SENP7: variants seen among roughly 807,000 people sequenced by gnomAD.
SENP7 encodes SUMO specific peptidase 7, also known as sentrin-specific protease 7.
A neutral mutation model predicts 141.2 loss-of-function variants in SENP7; 64 were observed. The ratio of observed to expected loss-of-function variants is 0.45; its 90% CI spans 0.37 to 0.56. The LOEUF (loss-of-function observed/expected upper bound fraction) is 0.56, where lower values mean the gene tolerates loss of function less well. SENP7 is among the 20% of genes least tolerant of loss of function. The pLI is 0.00. For synonymous variants in SENP7, 382 were observed against 426.4 expected (o/e 0.90, Z 1.28); for missense variants, 1,025 against 1,212.2 (o/e 0.85, Z 2.29).
intron 11 of SENP7, among the ~76,000 whole-genome samples, chr3:101,355,586 C>T (rs1376768090): frequency 6.6e-6 from 1 of 152,264 alleles, no homozygotes. Context: ...GTTTTTGTAC[C>T]AGTACCATAC....
In SENP7 at chr3:101,366,577, T is replaced by A; in HGVS notation, c.1171A>T (p.Thr391Ser). The change falls in exon 9 of 24, where the codon ACT becomes TCT. Residue 391 changes from threonine to serine, a missense_variant. By Grantham distance (58) the Thr-to-Ser change is moderately conservative (BLOSUM62 1). Coordinates refer to ENST00000394095, the MANE Select transcript of SENP7 (RefSeq NM_020654.5). Reference protein sequence around the residue: ...ATKSASAGSTTETVENSNSID... With the variant: ...ATKSASAGSTSETVENSNSID... ...GAATTAGAGTTCTCAACGGTTTCAG[T>A]GGTTGAACCGGCAGAGGCACTTTTG... 6.2e-7 allele frequency: 1 copy of A among 1,613,970 alleles called. No individual in the cohort carries two copies. Among genetic ancestry groups the A allele is most frequent in the South Asian group, 1.1e-5 (1 of 91,074 alleles).
At chr3:101,441,062 G>A (rs1256237073) in intron 4 of SENP7, among the ~76,000 whole-genome samples, 3 of 152,074 alleles carry the variant, frequency 2.0e-5, no homozygotes, top group African/African-American at 7.2e-5. Flanking sequence ...CGCCATCCAG[G>A]TGCCTAAAGA....
Position 101,417,628 on chromosome 3 carries a change from T to A in SENP7, c.447A>T (p.Leu149Phe), listed in dbSNP as rs1377505516. 3 of 1,613,866 alleles carry A rather than the reference T, an allele frequency of 1.9e-6. No homozygotes were observed. Among genetic ancestry groups the A allele is most frequent in the Non-Finnish European group, 2.5e-6 (3 of 1,179,864 alleles). ...SVDSLETCQK[L>F]EPLRQSLNLS... is the part of the protein sequence containing the mutation. ...AATTAAGGCTTTGGCGAAGAGGTTC[T>A]AATTTTTGACATGTCTCTAGGCTGT... Residue 149 changes from leucine to phenylalanine, a missense_variant, in exon 5 of 24, where the codon TTA becomes TTT. This residue lies in a region of SENP7 where 496 missense variants were observed against 503.5 expected (regional missense o/e 0.99). Coordinates refer to ENST00000394095, the MANE Select transcript of SENP7 (RefSeq NM_020654.5).
At chr3:101,335,373 C>T (rs184919684) in intron 17 of SENP7, among the ~76,000 whole-genome samples, 30 of 152,254 alleles carry the variant, frequency 2.0e-4, no homozygotes, top group African/African-American at 7.2e-4. Context: ...AAATTCATAT[C>T]TCTTGCTGCT....
chr3:101,346,142 A>C (rs2059447612), intron 13 of SENP7, among the ~76,000 whole-genome samples: 2 of 152,238 alleles, frequency 1.3e-5, no homozygotes, highest in African/African-American at 4.8e-5. Flanking sequence ...GAAGATACAC[A>C]AATGACCAAT....
chr3:101,410,056 C>T (rs2061411199), intron 5 of SENP7, among the ~76,000 whole-genome samples: 1 of 151,974 alleles, frequency 6.6e-6, no homozygotes, highest in Admixed American at 6.6e-5. Flanking sequence ...GACTAATATC[C>T]AGAATCTATA....
chr3:101,463,374 TATATATATATATATATATATATAC>T (rs1362734903), intron 3 of SENP7, among the ~76,000 whole-genome samples: 7 of 86,006 alleles, frequency 8.1e-5, no homozygotes, highest in African/African-American at 2.7e-4. Flanking sequence ...AATATATATA[TATATATATATATATATATATATAC>T]ATATATATAT....
chr3:101,406,439 G>T (rs866380216), intron 5 of SENP7, among the ~76,000 whole-genome samples: 5 of 151,964 alleles, frequency 3.3e-5, no homozygotes, highest in African/African-American at 1.2e-4. Flanking sequence ...GTTGTGGAGT[G>T]GGGGGAGGGG....
chr3:101,396,216 A>T (rs2060964316), intron 6 of SENP7, among the ~76,000 whole-genome samples: 1 of 152,222 alleles, frequency 6.6e-6, no homozygotes, highest in Non-Finnish European at 1.5e-5. Context: ...GATTTAAAGG[A>T]GAGCTAGTGT....
At chr3:101,402,616 C>CA (rs58525002) in intron 5 of SENP7, among the ~76,000 whole-genome samples, 39,876 of 93,524 alleles carry the variant, frequency 0.43, 9,027 homozygotes, top group Non-Finnish European at 0.45. Flanking sequence ...GACTCCGTCT[C>CA]AAAAAAAAAA....
rs201821493 is a variant in SENP7, at chr3:101,513,136, C to G, written c.-6G>C. On this transcript the variant is annotated 5_prime_UTR_variant, in exon 1 of 24. Coordinates refer to ENST00000394095, the MANE Select transcript of SENP7 (RefSeq NM_020654.5). ...CCGAGCTTTCTCTTGTCCATCTTCT[C>G]CCGCTGCTGAAATTTCAGTTGCAGG... 7.6e-4 allele frequency: 1,214 copies of G among 1,601,358 alleles called. No homozygotes were observed. Among genetic ancestry groups the G allele is most frequent in the Non-Finnish European group, 9.5e-4 (1,117 of 1,174,000 alleles).
intron 3 of SENP7, among the ~76,000 whole-genome samples, chr3:101,493,407 A>G (rs2065037496): frequency 6.6e-6 from 1 of 152,228 alleles, no homozygotes. Context: ...TTAAAAAACA[A>G]AACACAAAAA....
At chr3:101,487,475 T>G (rs2064779786) in intron 3 of SENP7, among the ~76,000 whole-genome samples, 1 of 152,008 alleles carries the variant, frequency 6.6e-6, no homozygotes, top group Admixed American at 6.5e-5. Context: ...TTAAGTTTCA[T>G]TTGTCAATTT....
chr3:101,335,288 T>TA (rs1368238539), intron 17 of SENP7, among the ~76,000 whole-genome samples: 5 of 152,184 alleles, frequency 3.3e-5, no homozygotes, highest in Admixed American at 3.3e-4. Flanking sequence ...CAGGATCTCA[T>TA]AAAGCATGAT....
Position 101,438,823 on chromosome 3 carries a change from C to T in SENP7, c.284+20132G>A, listed in dbSNP as rs184576954. On this transcript the variant is annotated intron_variant, in intron 4 of 23. Coordinates refer to ENST00000394095, the MANE Select transcript of SENP7 (RefSeq NM_020654.5). ...AAGAATGAGTATCGGTCTTTGCCGC[C>T]GCGCCGGCGAGCGCCGCCCGGGAGG... Among the ~76,000 whole-genome samples, 186 of 152,202 alleles carry T rather than the reference C, an allele frequency of 1.2e-3. 1 individual carries two copies. Among genetic ancestry groups the T allele is most frequent in the East Asian group, 5.8e-3 (30 of 5,152 alleles).
intron 6 of SENP7, among the ~76,000 whole-genome samples, chr3:101,380,276 A>T (rs1169331061): frequency 6.6e-6 from 1 of 152,172 alleles, no homozygotes; most frequent in Non-Finnish European, 1.5e-5. Flanking sequence ...AATAATGTGA[A>T]TGTACTTAAA....
At chr3:101,378,493 T>C (rs2060402032) in intron 6 of SENP7, among the ~76,000 whole-genome samples, 1 of 150,564 alleles carries the variant, frequency 6.6e-6, no homozygotes, top group African/African-American at 2.4e-5. Flanking sequence ...AATAGAAAAT[T>C]CCAACACAGG....
intron 2 of SENP7, among the ~76,000 whole-genome samples, chr3:101,495,411 A>G (rs911945844): frequency 6.6e-6 from 1 of 152,214 alleles, no homozygotes; most frequent in African/African-American, 2.4e-5. Flanking sequence ...TATATACCCA[A>G]AGGAATATAA....
chr3:101,397,456 T>C (rs1447813008), intron 6 of SENP7, among the ~76,000 whole-genome samples: 1 of 152,194 alleles, frequency 6.6e-6, no homozygotes, highest in Non-Finnish European at 1.5e-5. Flanking sequence ...ACTTGATAGA[T>C]ACATTACTAA....
Sources: allele counts gnomAD v4.1 joint callset (sites outside exome capture counted in the v4.1 genomes callset), GRCh38; gene constraint gnomAD v4.1.1; regional missense constraint gnomAD v4.1.1; transcripts MANE v1.5; gene names NCBI Gene and HGNC (gene_info 2026-07-23, HGNC 2026-07-21).